The following SPARCL1 variants were observed in gnomAD, a reference collection of about 807,000 sequenced individuals.
SPARCL1 encodes SPARC like 1.
A neutral mutation model predicts 67.1 loss-of-function variants in SPARCL1; 52 were observed. That is an observed-to-expected ratio of 0.78 (90% CI 0.62 to 0.98). SPARCL1 has a LOEUF of 0.98. Ranked by LOEUF, SPARCL1 falls within the 50% of genes least tolerant of loss-of-function variation. The probability of loss-of-function intolerance (pLI) is 0.00; values close to 1 mark genes in which losing one functional copy is unlikely to be tolerated. For missense variants in SPARCL1, 717 were observed against 782.4 expected (o/e 0.92, Z 1.00); for synonymous variants, 226 against 267.8 (o/e 0.84, Z 1.52).
At chr4:87,523,204 G>T (rs543942266) in intron 1 of SPARCL1, among the ~76,000 whole-genome samples, 59 of 150,614 alleles carry the variant, frequency 3.9e-4, no homozygotes, top group African/African-American at 1.2e-3. Flanking sequence ...GAGGTTGCAG[G>T]GACCCAAGGT....
At chr4:87,487,933 T>G (rs546757153) in intron 7 of SPARCL1, among the ~76,000 whole-genome samples, 1 of 152,376 alleles carries the variant, frequency 6.6e-6, no homozygotes, top group South Asian at 2.1e-4. Flanking sequence ...TGCTGTGTTT[T>G]TCAGCTCCAT....
intron 1 of SPARCL1, chr4:87,528,269 C>A (rs1320288639): frequency 6.6e-6 from 1 of 151,668 alleles, no homozygotes; most frequent in Admixed American, 6.6e-5. Flanking sequence ...TACATTATTG[C>A]TTTATTTTAG....
At chr4:87,500,790 G>A (rs563447044) in intron 1 of SPARCL1, among the ~76,000 whole-genome samples, 9 of 104,296 alleles carry the variant, frequency 8.6e-5, no homozygotes, top group African/African-American at 4.7e-4. Flanking sequence ...ACGTACGCGC[G>A]CACGCACATA....
At chr4:87,505,650 G>C (rs1175615711) in intron 1 of SPARCL1, among the ~76,000 whole-genome samples, 1 of 151,892 alleles carries the variant, frequency 6.6e-6, no homozygotes, top group African/African-American at 2.4e-5. Context: ...CAGTTCCTGG[G>C]CTCAGGTGAT....
At chr4:87,490,543 G>T (rs1255910643) in intron 6 of SPARCL1, 150 bp from the exon 7 acceptor site, 10 of 1,037,578 alleles carry the variant, frequency 9.6e-6, no homozygotes, top group Non-Finnish European at 1.4e-5. Context: ...GTTCCATTTG[G>T]CATCAAAAAA....
chr4:87,486,888 CTTTTTTTTTTTTTTTTTTTTTTTT>C (rs57597004), intron 7 of SPARCL1, among the ~76,000 whole-genome samples: 32 of 27,998 alleles, frequency 1.1e-3, no homozygotes, highest in South Asian at 4.3e-3. Flanking sequence ...GCAATTCCTG[CTTTTTTTTTTTTTTTTTTTTTTTT>C]TTTTTTTTTT....
intron 5 of SPARCL1, among the ~76,000 whole-genome samples, chr4:87,491,257 A>G (rs570639670): frequency 2.9e-5 from 4 of 139,514 alleles, no homozygotes; most frequent in African/African-American, 7.7e-5. Context: ...AATGTTTGTG[A>G]TAGGGGGAGG....
chr4:87,491,957 A>C lies in SPARCL1; in HGVS notation c.1219-267T>G, dbSNP rs1357392705. Among the ~76,000 whole-genome samples, 21 of 33,276 alleles carry C rather than the reference A, an allele frequency of 6.3e-4. 1 individual carries two copies. The highest frequency in any genetic ancestry group is 2.6e-3 in the Admixed American group (7 of 2,718). 21.8% of individuals were successfully genotyped at this position (33,276 alleles called of 152,430 possible). On this transcript the variant is annotated intron_variant, in intron 4 of 10. Coordinates refer to ENST00000282470, the MANE Select transcript of SPARCL1 (RefSeq NM_004684.6). ...CCATCTCTACCCACCCCCCCCCCCA[A>C]AAAAAAAAAAATTAGCTGGGCATGA...
chr4:87,501,976 T>C (rs970978901), intron 1 of SPARCL1, among the ~76,000 whole-genome samples: 2 of 151,960 alleles, frequency 1.3e-5, no homozygotes, highest in African/African-American at 2.4e-5. Flanking sequence ...TTGATTTTTT[T>C]TTTTTTCCTG....
intron 10 of SPARCL1, among the ~76,000 whole-genome samples, chr4:87,474,962 T>A (rs1403665358): frequency 6.6e-6 from 1 of 151,928 alleles, no homozygotes; most frequent in East Asian, 1.9e-4. Context: ...CAAGATGGTC[T>A]CGATCTCTTG....
intron 1 of SPARCL1, among the ~76,000 whole-genome samples, chr4:87,522,687 A>G (rs1346518616): frequency 6.6e-6 from 1 of 150,868 alleles, no homozygotes; most frequent in Non-Finnish European, 1.5e-5. Flanking sequence ...ACACACGCAC[A>G]CACACAGAGT....
chr4:87,526,503 C>T (rs1301554724), intron 1 of SPARCL1, among the ~76,000 whole-genome samples: 1 of 152,140 alleles, frequency 6.6e-6, no homozygotes, highest in African/African-American at 2.4e-5. Context: ...CTACAACGAC[C>T]TCATTTGTGT....
intron 1 of SPARCL1, among the ~76,000 whole-genome samples, chr4:87,527,595 G>A (rs890955812): frequency 6.6e-6 from 1 of 152,064 alleles, no homozygotes; most frequent in African/African-American, 2.4e-5. Flanking sequence ...GTTGATATGT[G>A]AATCTGTGCC....
In SPARCL1 at chr4:87,506,557, CA is replaced by C. The variant is rs1164268512; in HGVS notation, c.-11-6973del. 2.0e-5 allele frequency among the ~76,000 whole-genome samples: 3 copies of C among 152,284 alleles called. No individual in the cohort carries two copies. The East Asian group carries it at 5.8e-4, about 29-fold the overall frequency. ...CTCTGCCTATCTGTTTGAGTTGGGA[CA>C]TTGATATTCTGCTGTTGGATTGGGA... On this transcript the variant is annotated intron_variant, in intron 1 of 10. Transcript: ENST00000282470.
chr4:87,477,766 T>C (rs568399016), intron 10 of SPARCL1, among the ~76,000 whole-genome samples: 112 of 152,210 alleles, frequency 7.4e-4, no homozygotes, highest in African/African-American at 2.6e-3. Context: ...GAGATCCTAA[T>C]CCAGAGCCAT....
chr4:87,506,774 CTATCTATCATCTA>C (rs1560824803), intron 1 of SPARCL1, among the ~76,000 whole-genome samples: 5 of 52,152 alleles, frequency 9.6e-5, no homozygotes, highest in African/African-American at 3.4e-4. Flanking sequence ...ATATCTCTAT[CTATCTATCATCTA>C]TCTATCTATC....
intron 8 of SPARCL1, among the ~76,000 whole-genome samples, chr4:87,481,256 C>G (rs547687234): frequency 1.3e-5 from 2 of 152,166 alleles, no homozygotes; most frequent in African/African-American, 2.4e-5. Flanking sequence ...GGACATGTAT[C>G]GAAGAACGCC....
At chr4:87,483,084 T>A (rs1217821181) in intron 7 of SPARCL1, among the ~76,000 whole-genome samples, 4 of 46,934 alleles carry the variant, frequency 8.5e-5, no homozygotes, top group African/African-American at 5.4e-4. Flanking sequence ...ATCACTGCCG[T>A]TTTTTTTTTT....
chr4:87,491,689 G>A lies in SPARCL1; in HGVS notation c.1220C>T (p.Ala407Val). Residue 407 changes from alanine (A) to valine (V), a missense_variant and splice_region_variant, in exon 5 of 11, where the codon GCC becomes GTC. Physicochemically the swap from Ala to Val is moderately conservative, Grantham distance 64. Transcript: ENST00000282470. ...GTTEPGEHQE[A>V]KKAENSSNEE... Reference sequence around the variant, plus strand: ...ATTTGATGAGTTCTCTGCTTTCTTGGCCTTTAGAATAACAAGAGCAAAAGT... The same window carrying A: ...ATTTGATGAGTTCTCTGCTTTCTTGACCTTTAGAATAACAAGAGCAAAAGT... 1 of 1,611,354 alleles carries A rather than the reference G, an allele frequency of 6.2e-7. No individual in the cohort carries two copies. Among genetic ancestry groups the A allele is most frequent in the Non-Finnish European group, 8.5e-7 (1 of 1,177,724 alleles).
Sources: gnomAD v4.1 joint callset for allele counts (sites outside exome capture counted in the v4.1 genomes callset) on GRCh38, gnomAD v4.1.1 for gene constraint, MANE v1.5 for transcripts, NCBI Gene and HGNC (gene_info 2026-07-23, HGNC 2026-07-21) for gene names.